Variants in EML6 observed in about 807,000 individuals in gnomAD.
The protein encoded by EML6 is EMAP like 6.
EML6 carries 154 observed loss-of-function variants against 240.1 expected under a neutral mutation model. The ratio of observed to expected loss-of-function variants is 0.64; its 90% CI spans 0.56 to 0.73. EML6 has a LOEUF of 0.73. Ranked by LOEUF, EML6 falls within the 30% of genes least tolerant of loss-of-function variation. The probability of loss-of-function intolerance (pLI) is 0.00; values close to 1 mark genes in which losing one functional copy is unlikely to be tolerated. For missense variants in EML6, 2,964 were observed against 2,474.6 expected (o/e 1.20, Z -4.20); for synonymous variants, 1,148 against 899.0 (o/e 1.28, Z -4.95).
At chr2:54,781,649 G>T (rs1431280105) in intron 2 of EML6, among the ~76,000 whole-genome samples, 1 of 152,046 alleles carries the variant, frequency 6.6e-6, no homozygotes, top group East Asian at 1.9e-4. Context: ...GAATTTACAA[G>T]TATAAATAAA....
At chr2:54,871,724 C>A (rs1671269429) in intron 16 of EML6, 119 bp downstream of exon 16, 1 of 738,046 alleles carries the variant, frequency 1.4e-6, no homozygotes, top group South Asian at 1.6e-5. Flanking sequence ...CCCACTTAGT[C>A]GTTCTGTTTG....
At chr2:54,829,019 C>CT (rs1668732195) in intron 6 of EML6, among the ~76,000 whole-genome samples, 1 of 152,212 alleles carries the variant, frequency 6.6e-6, no homozygotes, top group Non-Finnish European at 1.5e-5. Context: ...TCTTTTCTCT[C>CT]TAAGGGCCAC....
chr2:54,759,677 T>C (rs1173059573), intron 2 of EML6, among the ~76,000 whole-genome samples: 3 of 152,034 alleles, frequency 2.0e-5, no homozygotes, highest in African/African-American at 4.8e-5. Context: ...AAAGAAAAGT[T>C]GGATTTATAC....
chr2:54,888,056 G>T (rs1048690128), intron 17 of EML6, among the ~76,000 whole-genome samples: 14 of 152,224 alleles, frequency 9.2e-5, no homozygotes, highest in African/African-American at 3.4e-4. Flanking sequence ...AAAAAGCATA[G>T]ACGCCAATAC....
rs553087391 is a variant in EML6, at chr2:54,903,110, T to C, written c.3191T>C (p.Phe1064Ser). ...ALAVGLNDGSFLVVNADTVED... is the reference protein window; with the variant it reads ...ALAVGLNDGSSLVVNADTVED... ...GCGGTTGGCTTGAACGATGGGAGTT[T>C]CCTGGTGGTAAATGCTGACACTGTT... Residue 1064 changes from phenylalanine to serine, a missense_variant, in exon 23 of 42, where the codon TTC (phenylalanine) becomes TCC (serine). Coordinates refer to ENST00000356458, the MANE Select transcript of EML6 (RefSeq NM_001039753.4). 6.4e-7 allele frequency: 1 copy of C among 1,551,810 alleles called. No homozygotes were observed.
intron 2 of EML6, among the ~76,000 whole-genome samples, chr2:54,765,571 C>T (rs1433435099): frequency 1.3e-5 from 2 of 152,200 alleles, no homozygotes; most frequent in African/African-American, 4.8e-5. Flanking sequence ...CGCCATTCTC[C>T]TGCCTCAGCC....
At chr2:54,882,046 C>T (rs1256402725) in intron 17 of EML6, 1 of 152,202 alleles carries the variant, frequency 6.6e-6, no homozygotes, top group Non-Finnish European at 1.5e-5. Flanking sequence ...AGTTGCTCCT[C>T]CCCTGATTGG....
At chr2:54,861,542 C>T (rs1240785220) in intron 12 of EML6, among the ~76,000 whole-genome samples, 3 of 152,162 alleles carry the variant, frequency 2.0e-5, no homozygotes, top group African/African-American at 4.8e-5. Context: ...ACATAGTCCA[C>T]CCTCCAACCC....
chr2:54,907,527 A>T (rs1398585431), intron 24 of EML6, among the ~76,000 whole-genome samples: 1 of 152,190 alleles, frequency 6.6e-6, no homozygotes, highest in Non-Finnish European at 1.5e-5. Context: ...AATAAAAATG[A>T]CAATTTGAGC....
intron 32 of EML6, among the ~76,000 whole-genome samples, 165 bp from the exon 33 acceptor site, chr2:54,957,625 T>G (rs969756009): frequency 1.3e-5 from 2 of 152,178 alleles, no homozygotes; most frequent in African/African-American, 4.8e-5. Context: ...AGACACACTT[T>G]CCCCGCTGCC....
chr2:54,836,415 G>A (rs6755779), intron 7 of EML6, among the ~76,000 whole-genome samples: 67,299 of 152,034 alleles, frequency 0.44, 18,588 homozygotes, highest in African/African-American at 0.79. Context: ...GTTTTGAAAT[G>A]AGCAGAGATT....
chr2:54,817,977 T>C (rs937273425), intron 4 of EML6, among the ~76,000 whole-genome samples: 6 of 152,020 alleles, frequency 3.9e-5, no homozygotes, highest in African/African-American at 1.5e-4. Flanking sequence ...GTCCAGTAGT[T>C]CCCAATCCTG....
At chr2:54,833,153 T>C (rs1365551458) in intron 7 of EML6, among the ~76,000 whole-genome samples, 1 of 152,226 alleles carries the variant, frequency 6.6e-6, no homozygotes, top group East Asian at 1.9e-4. Context: ...TTAAAAGTAT[T>C]AGCAAAAATT....
chr2:54,826,953 A>C (rs1233883848), intron 5 of EML6, among the ~76,000 whole-genome samples: 2 of 152,174 alleles, frequency 1.3e-5, no homozygotes, highest in East Asian at 3.9e-4. Context: ...AGGGCAGATT[A>C]CTTGAGGCCA....
At chr2:54,884,909 C>T (rs984669190) in intron 17 of EML6, among the ~76,000 whole-genome samples, 7 of 152,192 alleles carry the variant, frequency 4.6e-5, no homozygotes, top group Non-Finnish European at 1.0e-4. Context: ...CATGGGGGCT[C>T]ATGCCTATAA....
In EML6 at chr2:54,817,805, T is replaced by TAAA. The variant is rs545717672; in HGVS notation, c.456+930_456+932dup. Among the ~76,000 whole-genome samples, 3 of 145,866 alleles carry TAAA rather than the reference T, an allele frequency of 2.1e-5. No individual in the cohort carries two copies. The East Asian group carries it at 5.9e-4, about 29-fold the overall frequency. On this transcript the variant is annotated intron_variant, in intron 4 of 41. Coordinates refer to ENST00000356458, the MANE Select transcript of EML6 (RefSeq NM_001039753.4). ...CTGTCTCTTGCTTAGAAGGAACTCT[T>TAAA]AAAAAAAAAAAAGTATGAATGGCAC...
chr2:54,822,274 A>G (rs1370663493), intron 5 of EML6, among the ~76,000 whole-genome samples: 4 of 152,180 alleles, frequency 2.6e-5, no homozygotes, highest in Admixed American at 2.6e-4. Context: ...CCACTCTCAA[A>G]CCTTGCTGGT....
chr2:54,768,228 A>T (rs1668269880), intron 2 of EML6, among the ~76,000 whole-genome samples: 1 of 152,000 alleles, frequency 6.6e-6, no homozygotes, highest in Admixed American at 6.6e-5. Flanking sequence ...TTTTGGCCTT[A>T]GTTGATCTCA....
chr2:54,898,812 T>C (rs1235866549), intron 21 of EML6, among the ~76,000 whole-genome samples: 2 of 152,250 alleles, frequency 1.3e-5, no homozygotes, highest in African/African-American at 2.4e-5. Flanking sequence ...GTCTGTTTTA[T>C]TGCTCTGTAG....
Sources: gnomAD v4.1 joint callset for allele counts (sites outside exome capture counted in the v4.1 genomes callset) on GRCh38, gnomAD v4.1.1 for gene constraint, MANE v1.5 for transcripts, NCBI Gene and HGNC (gene_info 2026-07-23, HGNC 2026-07-21) for gene names.